The following CAST variants were observed in gnomAD, a reference collection of about 807,000 sequenced individuals.
The protein encoded by CAST is MIR583 host.
In CAST, 76 loss-of-function variants were observed where a neutral mutation model predicts 119.6. The observed-to-expected ratio is 0.64, with a 90% CI of 0.53 to 0.77. The LOEUF (loss-of-function observed/expected upper bound fraction) is 0.77, where lower values mean the gene tolerates loss of function less well. Ranked by LOEUF, CAST falls within the 30% of genes least tolerant of loss-of-function variation. The pLI is 0.00. For synonymous variants in CAST, 319 were observed against 331.6 expected (o/e 0.96, Z 0.41); for missense variants, 953 against 946.5 (o/e 1.01, Z -0.09).
At chr5:96,582,176 AC>A (rs1746782226) in intron 1 of CAST, among the ~76,000 whole-genome samples, 1 of 151,374 alleles carries the variant, frequency 6.6e-6, no homozygotes, top group South Asian at 2.1e-4. Context: ...AGGCAGAGTG[AC>A]CTTCTTATGG....
At chr5:95,966,682 A>T in the CAST span, among the ~76,000 whole-genome samples, 1 of 152,182 alleles carries the variant, frequency 6.6e-6, no homozygotes, top group Non-Finnish European at 1.5e-5. Context: ...GGCCAGGGCT[A>T]TCTCTCCTTT....
At chr5:96,648,310 T>C (rs1218382005) in intron 1 of CAST, among the ~76,000 whole-genome samples, 1 of 152,224 alleles carries the variant, frequency 6.6e-6, no homozygotes, top group Non-Finnish European at 1.5e-5. Context: ...TCTTTCAGGA[T>C]AGAGTCACTC....
At chr5:96,118,455 A>G in the CAST span, among the ~76,000 whole-genome samples, 2 of 152,162 alleles carry the variant, frequency 1.3e-5, no homozygotes, top group African/African-American at 4.8e-5. Context: ...TCTTTCACGT[A>G]GAGTTTGTGA....
At chr5:96,173,492 A>G in the CAST span, among the ~76,000 whole-genome samples, 12 of 152,358 alleles carry the variant, frequency 7.9e-5, no homozygotes, top group African/African-American at 2.6e-4. Flanking sequence ...AAAATACATA[A>G]TAGAGTAACC....
chr5:96,053,424 T>C, the CAST span, among the ~76,000 whole-genome samples: 46 of 152,272 alleles, frequency 3.0e-4, no homozygotes, highest in African/African-American at 1.1e-3. Flanking sequence ...GTTTTGTGAG[T>C]TTTTTCCTTG....
At chr5:96,265,347 C>T in the CAST span, among the ~76,000 whole-genome samples, 8 of 151,560 alleles carry the variant, frequency 5.3e-5, no homozygotes, top group Admixed American at 2.0e-4. Flanking sequence ...TATATGTATA[C>T]ATATGTAGTA....
At chr5:96,684,169 A>G (rs1423512922) in intron 2 of CAST, among the ~76,000 whole-genome samples, 1 of 152,206 alleles carries the variant, frequency 6.6e-6, no homozygotes, top group Non-Finnish European at 1.5e-5. Flanking sequence ...TATCTGTAAA[A>G]TGAGGATACT....
the CAST span, among the ~76,000 whole-genome samples, chr5:96,433,468 C>T: frequency 6.6e-6 from 1 of 152,162 alleles, no homozygotes; most frequent in Non-Finnish European, 1.5e-5. Context: ...AATTCTGTAC[C>T]GTGAGAAACA....
At chr5:96,036,826 C>T in the CAST span, among the ~76,000 whole-genome samples, 1 of 152,074 alleles carries the variant, frequency 6.6e-6, no homozygotes, top group African/African-American at 2.4e-5. Context: ...CCAAGATAAA[C>T]TTAAACCCAA....
At chr5:96,045,611 G>A in the CAST span, among the ~76,000 whole-genome samples, 1 of 152,038 alleles carries the variant, frequency 6.6e-6, no homozygotes, top group African/African-American at 2.4e-5. Flanking sequence ...TAATAATAAT[G>A]ACAATAGATA....
chr5:96,288,122 C>A, the CAST span, among the ~76,000 whole-genome samples: 6 of 152,134 alleles, frequency 3.9e-5, no homozygotes, highest in Admixed American at 3.9e-4. Context: ...TTAAATTGCA[C>A]AGCAAATCTG....
the CAST span, among the ~76,000 whole-genome samples, chr5:96,297,167 A>T: frequency 6.6e-6 from 1 of 152,172 alleles, no homozygotes; most frequent in South Asian, 2.1e-4. Flanking sequence ...TTTGTCACTG[A>T]TGTGTAGCAT....
At chr5:96,105,362 G>A in the CAST span, among the ~76,000 whole-genome samples, 1 of 152,198 alleles carries the variant, frequency 6.6e-6, no homozygotes, top group African/African-American at 2.4e-5. Context: ...GTATGATATT[G>A]GCTGTGGGTT....
At chr5:96,106,333 C>A in the CAST span, among the ~76,000 whole-genome samples, 2 of 152,108 alleles carry the variant, frequency 1.3e-5, no homozygotes. Flanking sequence ...AATTTTGGAT[C>A]TTTCCTGCTT....
the CAST span, among the ~76,000 whole-genome samples, chr5:96,230,631 G>C: frequency 1.3e-5 from 2 of 152,090 alleles, no homozygotes; most frequent in Non-Finnish European, 2.9e-5. Flanking sequence ...AGCAATGAAA[G>C]TAGGATTGTT....
At chr5:96,351,963 T>G in the CAST span, among the ~76,000 whole-genome samples, 128 of 152,156 alleles carry the variant, frequency 8.4e-4, 1 homozygote, top group African/African-American at 3.0e-3. Context: ...AAAATAACTG[T>G]TGGGTGGGTA....
chr5:96,486,543 A>G, the CAST span, among the ~76,000 whole-genome samples: 1 of 152,228 alleles, frequency 6.6e-6, no homozygotes, highest in South Asian at 2.1e-4. Context: ...TTAGAACACT[A>G]AGGTTTCATA....
intron 1 of CAST, among the ~76,000 whole-genome samples, chr5:96,666,450 C>G (rs375073257): frequency 1.1e-3 from 161 of 152,320 alleles, no homozygotes; most frequent in African/African-American, 3.6e-3. Flanking sequence ...ATCCATAGAC[C>G]TAGTGACAGC....
chr5:96,009,121 T>A, the CAST span, among the ~76,000 whole-genome samples: 1 of 152,224 alleles, frequency 6.6e-6, no homozygotes, highest in Admixed American at 6.5e-5. Context: ...GCTGCATCCA[T>A]GTTGCTACAA....
Sources: allele counts gnomAD v4.1 joint callset (sites outside exome capture counted in the v4.1 genomes callset), GRCh38; gene constraint gnomAD v4.1.1; transcripts MANE v1.5; gene names NCBI Gene and HGNC (gene_info 2026-07-23, HGNC 2026-07-21).